RAB22A: variants seen among roughly 807,000 people sequenced by gnomAD.
The protein encoded by RAB22A is ras-related protein Rab-22A.
A neutral mutation model predicts 30.2 loss-of-function variants in RAB22A; 13 were observed. The observed-to-expected ratio is 0.43, with a 90% CI of 0.28 to 0.68. The LOEUF (loss-of-function observed/expected upper bound fraction) is 0.68. RAB22A is among the 30% of genes least tolerant of loss of function. The pLI, the probability that RAB22A is intolerant of heterozygous loss-of-function variation, is 0.18. For synonymous variants in RAB22A, 89 were observed against 87.2 expected (o/e 1.02, Z -0.11); for missense variants, 177 against 246.8 (o/e 0.72, Z 1.89).
rs997527696 is a variant in RAB22A at position 58,360,688 on chromosome 20, A to G, written c.*985A>G. The G allele has an allele frequency of 6.5e-5, 10 of 152,778 alleles. No individual in the cohort carries two copies. The South Asian group carries it at 2.1e-3, about 32-fold the overall frequency. The allele number at this position is 152,778 out of a possible 1,614,324, so 9.5% of individuals were successfully genotyped here. ...TGACATTCCATTGAATCTCGCACCCAGTCTTGCGTATGCCTGCCCAGTTTT... is the reference window on the plus strand; with the variant it reads ...TGACATTCCATTGAATCTCGCACCCGGTCTTGCGTATGCCTGCCCAGTTTT... On this transcript the variant is annotated 3_prime_UTR_variant, in exon 7 of 7. Transcript: ENST00000244040.
chr20:58,352,871 C>G (rs907967083), intron 3 of RAB22A, among the ~76,000 whole-genome samples: 3 of 152,182 alleles, frequency 2.0e-5, no homozygotes, highest in Non-Finnish European at 2.9e-5. Flanking sequence ...CTTTATGACA[C>G]CCAAATGCAG....
intron 3 of RAB22A, among the ~76,000 whole-genome samples, chr20:58,344,233 G>A (rs545024590): frequency 1.3e-5 from 2 of 152,306 alleles, no homozygotes; most frequent in Admixed American, 6.5e-5. Flanking sequence ...TAAGTGAAAA[G>A]GATAAGCTAA....
chr20:58,340,336 C>T (rs1986834349), intron 2 of RAB22A, among the ~76,000 whole-genome samples: 1 of 152,134 alleles, frequency 6.6e-6, no homozygotes, highest in African/African-American at 2.4e-5. Context: ...GCAGGAAGGA[C>T]ACTGCTTGGG....
intron 6 of RAB22A, among the ~76,000 whole-genome samples, chr20:58,357,529 A>G (rs1249052798): frequency 6.6e-6 from 1 of 152,156 alleles, no homozygotes; most frequent in Non-Finnish European, 1.5e-5. Context: ...TGTTTTAGAA[A>G]TCATTACCTG....
rs947732496 is a variant in RAB22A, at chr20:58,360,578, A to G, written c.*875A>G. 10 of 152,626 alleles carry G rather than the reference A, an allele frequency of 6.6e-5. No individual in the cohort carries two copies. Among genetic ancestry groups the G allele is most frequent in the African/African-American group, 2.4e-4 (10 of 41,446 alleles). The allele number at this position is 152,626 out of a possible 1,614,324, so 9.5% of individuals were successfully genotyped here. On this transcript the variant is annotated 3_prime_UTR_variant, in exon 7 of 7. Coordinates refer to ENST00000244040, the MANE Select transcript of RAB22A (RefSeq NM_020673.3). ...AAAGCAAGTATCTATTGCTTAGCATATGTAAAGTTGTAGTCTATATTTATG... is the reference window on the plus strand; with the variant it reads ...AAAGCAAGTATCTATTGCTTAGCATGTGTAAAGTTGTAGTCTATATTTATG...
rs1986217210 is a variant in RAB22A, at chr20:58,311,114, A to G, written c.108A>G (p.Pro36=). The change falls in exon 2 of 7, where the codon CCA becomes CCG. Residue 36 remains proline, a synonymous_variant. Transcript: ENST00000244040. ...ACAGTTTTGATCCAAACATCAACCC[A>G]ACAATAGGGTAAGAGACTTTTATTT... ...VEDSFDPNIN[P]TIGASFMTKT... is the part of the protein sequence containing the mutation. 1.3e-6 allele frequency: 2 copies of G among 1,586,726 alleles called. No individual in the cohort carries two copies. Among genetic ancestry groups the G allele is most frequent in the African/African-American group, 1.3e-5 (1 of 74,274 alleles).
chr20:58,318,573 G>A (rs983677154), intron 2 of RAB22A, among the ~76,000 whole-genome samples: 1 of 150,888 alleles, frequency 6.6e-6, no homozygotes, highest in African/African-American at 2.4e-5. Flanking sequence ...TTCCAAAATC[G>A]GAAACACTTC....
chr20:58,318,192 T>C (rs149361602), intron 2 of RAB22A, among the ~76,000 whole-genome samples: 69 of 152,344 alleles, frequency 4.5e-4, no homozygotes, highest in African/African-American at 1.5e-3. Flanking sequence ...TTTAAATCTT[T>C]TTAAAATTTT....
At chr20:58,325,442 A>T (rs1986551750) in intron 2 of RAB22A, among the ~76,000 whole-genome samples, 1 of 152,214 alleles carries the variant, frequency 6.6e-6, no homozygotes, top group Non-Finnish European at 1.5e-5. Flanking sequence ...GCGCCACTGC[A>T]CTGCAGCCTG....
intron 2 of RAB22A, among the ~76,000 whole-genome samples, chr20:58,319,117 T>C (rs116906596): frequency 0.014 from 2,092 of 152,302 alleles, 21 homozygotes; most frequent in Non-Finnish European, 0.02. Flanking sequence ...ATGTCATTTG[T>C]TTCTAGGATG....
At position 58,361,050 on chromosome 20, in the gene RAB22A, G is replaced by A. The variant is rs535032267; in HGVS notation, c.*1347G>A. 4 of 152,634 alleles carry A rather than the reference G, an allele frequency of 2.6e-5. No homozygotes were observed. The South Asian group carries it at 6.2e-4, about 24-fold the overall frequency. 9.5% of individuals were successfully genotyped at this position (152,634 alleles called of 1,614,324 possible). ...TTTCCTTTATTTTTCCCCTGCCTCT[G>A]TTAGTGGTTAACACTCTTTTCCCTC... On this transcript the variant is annotated 3_prime_UTR_variant, in exon 7 of 7. Transcript: ENST00000244040.
At position 58,360,754 on chromosome 20, in the gene RAB22A, A is replaced by G. The variant is rs1033019176; in HGVS notation, c.*1051A>G. 6.6e-6 allele frequency: 1 copy of G among 152,646 alleles called. No individual in the cohort carries two copies. Among genetic ancestry groups the G allele is most frequent in the Non-Finnish European group, 1.5e-5 (1 of 68,042 alleles). 9.5% of individuals were successfully genotyped at this position (152,646 alleles called of 1,614,324 possible). A position where few individuals can be genotyped will look rare whatever the true frequency, so the allele number is the denominator to read the frequency against. ...AGACTCAAGCACATTGGTATTGTAT[A>G]AAGGTATAGAGCACTTAGCTTACAA... On this transcript the variant is annotated 3_prime_UTR_variant, in exon 7 of 7. Coordinates refer to ENST00000244040, the MANE Select transcript of RAB22A (RefSeq NM_020673.3).
Position 58,311,141 on chromosome 20 carries a change from A to G in RAB22A, c.116+19A>G, listed in dbSNP as rs1164141096. Reference sequence around the variant, plus strand: ...CAATAGGGTAAGAGACTTTTATTTGATACACATCTAAAGGTGCATTGAAAA... The same window carrying G: ...CAATAGGGTAAGAGACTTTTATTTGGTACACATCTAAAGGTGCATTGAAAA... On this transcript the variant is annotated intron_variant, in intron 2 of 6. Coordinates refer to ENST00000244040, the MANE Select transcript of RAB22A (RefSeq NM_020673.3). The G allele has an allele frequency of 1.3e-6, 2 of 1,541,738 alleles. No individual in the cohort carries two copies. The highest frequency in any genetic ancestry group is 1.8e-6 in the Non-Finnish European group (2 of 1,114,180).
At position 58,360,681 on chromosome 20, in the gene RAB22A, C is replaced by T. The variant is rs892654519; in HGVS notation, c.*978C>T. Reference sequence around the variant, plus strand: ...TTTCATTTGACATTCCATTGAATCTCGCACCCAGTCTTGCGTATGCCTGCC... The same window carrying T: ...TTTCATTTGACATTCCATTGAATCTTGCACCCAGTCTTGCGTATGCCTGCC... On this transcript the variant is annotated 3_prime_UTR_variant, in exon 7 of 7. Coordinates refer to ENST00000244040, the MANE Select transcript of RAB22A (RefSeq NM_020673.3). The T allele has an allele frequency of 6.6e-6, 1 of 152,592 alleles. No homozygotes were observed. The highest frequency in any genetic ancestry group is 2.4e-5 in the African/African-American group (1 of 41,420). 9.5% of individuals were successfully genotyped at this position (152,592 alleles called of 1,614,324 possible). A position where few individuals can be genotyped will look rare whatever the true frequency, so the allele number is the denominator to read the frequency against.
rs920613009 is a variant in RAB22A, at chr20:58,367,034, A to G, written c.*7331A>G. 1 of 152,664 alleles carries G rather than the reference A, an allele frequency of 6.6e-6. No individual in the cohort carries two copies. The highest frequency in any genetic ancestry group is 1.5e-5 in the Non-Finnish European group (1 of 68,062). 9.5% of individuals were successfully genotyped at this position (152,664 alleles called of 1,614,324 possible). ...TTTGTGCCTTTTTATAAAAGCATCT[A>G]TTACGAAAGTAAAATTCAGTTGCTT... On this transcript the variant is annotated 3_prime_UTR_variant, in exon 7 of 7. Transcript: ENST00000244040.
In RAB22A at chr20:58,364,295, AG is replaced by A. The variant is rs1318656380; in HGVS notation, c.*4594del. On this transcript the variant is annotated 3_prime_UTR_variant, in exon 7 of 7. Transcript: ENST00000244040. The stretch of plus-strand genomic sequence containing the variant: ...AAATGATTTACCTTCCAGATCTCGA[AG>A]GACTTCCAATAGCATAGATCAGGTT... 1 of 152,220 alleles carries A rather than the reference AG, an allele frequency of 6.6e-6. No homozygotes were observed. The highest frequency in any genetic ancestry group is 2.4e-5 in the African/African-American group (1 of 41,450). 9.4% of individuals were successfully genotyped at this position (152,220 alleles called of 1,614,324 possible). A position where few individuals can be genotyped will look rare whatever the true frequency, so the allele number is the denominator to read the frequency against.
Position 58,310,956 on chromosome 20 carries a change from A to G in RAB22A, c.37-87A>G. The G allele has an allele frequency of 4.4e-6, 5 of 1,123,784 alleles. No homozygotes were observed. The South Asian group carries it at 5.0e-5, about 11-fold the overall frequency. The allele number at this position is 1,123,784 out of a possible 1,614,324, so 69.6% of individuals were successfully genotyped here. The stretch of plus-strand genomic sequence containing the variant: ...TTTACACGTCTAGGGTGATTTTTCT[A>G]AAATCCTGAACTTATGCCACAAAGT... On this transcript the variant is annotated intron_variant, in intron 1 of 6. Transcript: ENST00000244040.
At chr20:58,345,106 C>T (rs895294850) in intron 3 of RAB22A, among the ~76,000 whole-genome samples, 2 of 152,218 alleles carry the variant, frequency 1.3e-5, no homozygotes, top group East Asian at 1.9e-4. Context: ...GCCACGAATC[C>T]GTGTGGCCCT....
At chr20:58,339,428 C>A (rs1986818551) in intron 2 of RAB22A, among the ~76,000 whole-genome samples, 1 of 152,188 alleles carries the variant, frequency 6.6e-6, no homozygotes, top group Non-Finnish European at 1.5e-5. Flanking sequence ...AGTTATCATA[C>A]CCTCTGCATC....
Sources: allele counts gnomAD v4.1 joint callset (sites outside exome capture counted in the v4.1 genomes callset), GRCh38; gene constraint gnomAD v4.1.1; transcripts MANE v1.5; gene names NCBI Gene and HGNC (gene_info 2026-07-23, HGNC 2026-07-21).